GRM7: variants seen among roughly 807,000 people sequenced by gnomAD.
GRM7 encodes glutamate metabotropic receptor 7.
A neutral mutation model predicts 84.5 loss-of-function variants in GRM7; 35 were observed. The ratio of observed to expected loss-of-function variants is 0.41; its 90% CI spans 0.32 to 0.55. The LOEUF (loss-of-function observed/expected upper bound fraction) is 0.55. Among genes scored for constraint, GRM7 ranks in the 20% least tolerant of loss-of-function variants. GRM7 has a pLI of 0.19. For synonymous variants in GRM7, 487 were observed against 455.1 expected (o/e 1.07, Z -0.89); for missense variants, 1,003 against 1,194.6 (o/e 0.84, Z 2.36).
At chr3:7,007,259 C>T (rs1154363) in intron 1 of GRM7, among the ~76,000 whole-genome samples, 134,465 of 152,164 alleles carry the variant, frequency 0.88, 61,573 homozygotes, top group Non-Finnish European at 0.99. Context: ...ATCAATCAAA[C>T]GGAGATGATG....
At chr3:7,057,374 A>G (rs1034088573) in intron 1 of GRM7, among the ~76,000 whole-genome samples, 22 of 151,950 alleles carry the variant, frequency 1.4e-4, no homozygotes, top group Non-Finnish European at 2.7e-4. Context: ...TAGTAGATAC[A>G]AAGTAATGCA....
At chr3:7,677,371 A>C (rs1282852618) in intron 8 of GRM7, among the ~76,000 whole-genome samples, 1 of 152,044 alleles carries the variant, frequency 6.6e-6, no homozygotes, top group African/African-American at 2.4e-5. Context: ...ACCATCAAGC[A>C]AGACAACATT....
At chr3:7,137,133 A>G (rs1693798223) in intron 1 of GRM7, among the ~76,000 whole-genome samples, 1 of 152,126 alleles carries the variant, frequency 6.6e-6, no homozygotes, top group Non-Finnish European at 1.5e-5. Flanking sequence ...TTGATGAGAT[A>G]TGAATATTTA....
At chr3:6,880,298 C>A (rs1232814997) in intron 1 of GRM7, among the ~76,000 whole-genome samples, 1 of 152,130 alleles carries the variant, frequency 6.6e-6, no homozygotes, top group Non-Finnish European at 1.5e-5. Flanking sequence ...TAGCCTCCTA[C>A]AAAGGGTGCA....
intron 2 of GRM7, among the ~76,000 whole-genome samples, chr3:7,250,572 G>A (rs1697945733): frequency 6.6e-6 from 1 of 151,928 alleles, no homozygotes; most frequent in African/African-American, 2.4e-5. Context: ...CAACCAGGCT[G>A]GAGTGCAGTG....
chr3:7,341,803 TAGA>T (rs1456854108), intron 4 of GRM7, among the ~76,000 whole-genome samples: 1 of 152,098 alleles, frequency 6.6e-6, no homozygotes, highest in Non-Finnish European at 1.5e-5. Context: ...ACCTAAAACT[TAGA>T]AGAAGTTTAA....
intron 9 of GRM7, among the ~76,000 whole-genome samples, chr3:7,705,360 A>T (rs545028391): frequency 2.7e-4 from 41 of 152,176 alleles, no homozygotes; most frequent in Non-Finnish European, 5.3e-4. Context: ...CATTATCTAA[A>T]CAAAGTCCAG....
chr3:7,031,121 C>T (rs1470008721), intron 1 of GRM7, among the ~76,000 whole-genome samples: 1 of 152,124 alleles, frequency 6.6e-6, no homozygotes, highest in African/African-American at 2.4e-5. Flanking sequence ...CCTCATTTTA[C>T]AAATGTAAAG....
intron 5 of GRM7, among the ~76,000 whole-genome samples, chr3:7,429,247 A>G (rs1373031882): frequency 1.3e-5 from 2 of 152,138 alleles, no homozygotes; most frequent in Non-Finnish European, 1.5e-5. Flanking sequence ...ATGAGTTACT[A>G]CATGTAAAGT....
rs75002300 is a variant in GRM7 at position 7,623,986 on chromosome 3, G to T, written c.2451+44629G>T. Among the ~76,000 whole-genome samples, 90 of 152,236 alleles carry T rather than the reference G, an allele frequency of 5.9e-4. 1 individual carries two copies. The East Asian group carries it at 0.017, about 29-fold the overall frequency. On this transcript the variant is annotated intron_variant, in intron 8 of 9. Transcript: ENST00000357716. ...GAGTAGAGCCTGTTGACTTTTCAAA[G>T]TGTCATATGGTACAATGGATGAACA...
At chr3:7,697,055 CCAGATAAGGGATTGAGAAAGAAAGAA>C (rs1334836379) in intron 9 of GRM7, among the ~76,000 whole-genome samples, 5 of 151,962 alleles carry the variant, frequency 3.3e-5, no homozygotes, top group African/African-American at 1.2e-4. Flanking sequence ...TGTTAAATGG[CCAGATAAGGGATTGAGAAAGAAAGAA>C]CCATGTCTTT....
At chr3:7,355,378 G>T (rs1693349533) in intron 4 of GRM7, among the ~76,000 whole-genome samples, 1 of 152,012 alleles carries the variant, frequency 6.6e-6, no homozygotes, top group African/African-American at 2.4e-5. Flanking sequence ...ATAGGTCCAG[G>T]CACCTGTGCA....
chr3:6,895,422 A>T lies in GRM7; in HGVS notation c.519+33515A>T, dbSNP rs114552545. On this transcript the variant is annotated intron_variant, in intron 1 of 9. Transcript: ENST00000357716. ...CCACACTTGTAATAATGACCATCAG[A>T]ATAACTGCTGTTTTCTGCCATATGG... is the stretch of plus-strand genomic sequence containing the variant. 3.4e-3 allele frequency among the ~76,000 whole-genome samples: 521 copies of T among 152,306 alleles called. 4 individuals are homozygous for T. Among genetic ancestry groups the T allele is most frequent in the African/African-American group, 0.012 (484 of 41,574 alleles).
intron 4 of GRM7, among the ~76,000 whole-genome samples, chr3:7,382,048 A>G (rs1281970796): frequency 6.6e-6 from 1 of 152,182 alleles, no homozygotes; most frequent in Non-Finnish European, 1.5e-5. Context: ...GCTGTACCAG[A>G]TAAAAAAAAC....
At chr3:7,209,600 C>T (rs1317831225) in intron 2 of GRM7, among the ~76,000 whole-genome samples, 8 of 152,100 alleles carry the variant, frequency 5.3e-5, no homozygotes, top group African/African-American at 1.9e-4. Flanking sequence ...CTATGGCAGG[C>T]ATAGAGAATG....
chr3:6,937,670 T>C (rs548110658), intron 1 of GRM7, among the ~76,000 whole-genome samples: 6 of 152,326 alleles, frequency 3.9e-5, no homozygotes, highest in African/African-American at 1.2e-4. Flanking sequence ...TGTGATTTGC[T>C]TACAGGGGTT....
rs202019524 is a variant in GRM7, at chr3:7,415,184, C to G, written c.1174+21C>G. ...CACAGGTAATTTAATTCTCGTTGTC[C>G]TTCTCCTATTACTCTACGTGGCTAG... On this transcript the variant is annotated intron_variant, in intron 5 of 9. Coordinates refer to ENST00000357716, the MANE Select transcript of GRM7 (RefSeq NM_000844.4). 1.0e-4 allele frequency: 164 copies of G among 1,605,478 alleles called. No homozygotes were observed. The African/African-American group carries it at 1.9e-3, about 19-fold the overall frequency.
intron 1 of GRM7, among the ~76,000 whole-genome samples, chr3:7,094,441 A>G (rs978690905): frequency 1.3e-5 from 2 of 152,196 alleles, no homozygotes; most frequent in African/African-American, 4.8e-5. Context: ...TTTCCAGGCC[A>G]TTCTTGTTAG....
rs941302500 is a variant in GRM7 at position 7,151,213 on chromosome 3, A to T, written c.736+4545A>T. On this transcript the variant is annotated intron_variant, in intron 2 of 9. Transcript: ENST00000357716. The surrounding 1 kb of genome is among the most constrained non-coding windows in gnomAD (Gnocchi z 4.5). The stretch of plus-strand genomic sequence containing the variant: ...GATTAACTGTTATTAACTGTTATTC[A>T]GCCTTCAGTTTTTTAGACCTCAAGC... Among the ~76,000 whole-genome samples the T allele has an allele frequency of 6.6e-6, 1 of 152,098 alleles. No individual in the cohort carries two copies. The highest frequency in any genetic ancestry group is 1.9e-4 in the East Asian group (1 of 5,184).
Sources: gnomAD v4.1 joint callset for allele counts (sites outside exome capture counted in the v4.1 genomes callset) on GRCh38, gnomAD v4.1.1 for gene constraint, Gnocchi (gnomAD v3.1) non-coding constraint, MANE v1.5 for transcripts, NCBI Gene and HGNC (gene_info 2026-07-23, HGNC 2026-07-21) for gene names.